The following TRIB3 variants were observed in gnomAD, a reference collection of about 807,000 sequenced individuals.
TRIB3 encodes tribbles pseudokinase 3.
A neutral mutation model predicts 16.6 loss-of-function variants in TRIB3; 20 were observed. That is an observed-to-expected ratio of 1.20 (90% CI 0.85 to 1.75). TRIB3 has a LOEUF of 1.75. Ranked by LOEUF, TRIB3 falls within the 40% of genes most tolerant of loss-of-function variation. TRIB3 has a pLI of 0.00. For synonymous variants in TRIB3, 208 were observed against 217.0 expected (o/e 0.96, Z 0.36); for missense variants, 484 against 488.9 (o/e 0.99, Z 0.10).
intron 2 of TRIB3, among the ~76,000 whole-genome samples, chr20:388,681 C>T (rs138057804): frequency 1.7e-3 from 265 of 152,192 alleles, no homozygotes; most frequent in African/African-American, 6.1e-3. Flanking sequence ...AAAAGGACTT[C>T]TCTGTGGCCA....
intron 1 of TRIB3, 117 bp downstream of exon 1, chr20:381,286 C>T (rs1015652650): frequency 1.3e-5 from 2 of 152,238 alleles, no homozygotes; most frequent in African/African-American, 4.8e-5. Flanking sequence ...GTGTTACACG[C>T]ACGCACGCCC....
At chr20:396,092 G>C in intron 3 of TRIB3, 106 bp from the exon 4 acceptor site, 1 of 1,494,204 alleles carries the variant, frequency 6.7e-7, no homozygotes, top group Non-Finnish European at 8.9e-7. Flanking sequence ...GTCTGTCAAA[G>C]GCCAGCAGGC....
At chr20:392,583 G>T (rs372167094) in intron 3 of TRIB3, among the ~76,000 whole-genome samples, 8 of 151,236 alleles carry the variant, frequency 5.3e-5, no homozygotes, top group Non-Finnish European at 8.8e-5. Context: ...TTGAGACAGA[G>T]TCTCACTCTG....
chr20:394,650 G>C (rs1243789647), intron 3 of TRIB3, among the ~76,000 whole-genome samples: 1 of 151,944 alleles, frequency 6.6e-6, no homozygotes, highest in African/African-American at 2.4e-5. Context: ...GCCAGGTGTG[G>C]TGATGCACAC....
chr20:384,256 C>T (rs914249768), intron 1 of TRIB3, among the ~76,000 whole-genome samples: 4 of 152,196 alleles, frequency 2.6e-5, no homozygotes, highest in African/African-American at 7.2e-5. Context: ...CAGTGGCTCC[C>T]CACTGCCTTT....
intron 3 of TRIB3, among the ~76,000 whole-genome samples, chr20:392,913 C>T (rs904304735): frequency 6.6e-6 from 1 of 152,108 alleles, no homozygotes; most frequent in Non-Finnish European, 1.5e-5. Flanking sequence ...CAGAGAGACT[C>T]GCCTCCTGTT....
At chr20:383,131 C>T (rs2014707902) in intron 1 of TRIB3, among the ~76,000 whole-genome samples, 1 of 152,194 alleles carries the variant, frequency 6.6e-6, no homozygotes, top group South Asian at 2.1e-4. Context: ...CTTCAGCCAC[C>T]ACACACACAG....
intron 3 of TRIB3, among the ~76,000 whole-genome samples, chr20:393,180 C>T (rs2015027608): frequency 6.6e-6 from 1 of 152,260 alleles, no homozygotes; most frequent in East Asian, 1.9e-4. Context: ...AACTAAGCCA[C>T]AGATTGATTC....
At chr20:394,032 C>CTT (rs745870371) in intron 3 of TRIB3, among the ~76,000 whole-genome samples, 103 of 123,632 alleles carry the variant, frequency 8.3e-4, no homozygotes, top group Middle Eastern at 4.3e-3. Flanking sequence ...TTCTTTCTTT[C>CTT]TTTTTTTTTT....
chr20:386,987 A>AGG (rs1162372244), intron 1 of TRIB3, among the ~76,000 whole-genome samples: 2 of 147,794 alleles, frequency 1.4e-5, no homozygotes, highest in East Asian at 2.1e-4. Flanking sequence ...TCCCAGCCTC[A>AGG]TGATTCGCCC....
intron 2 of TRIB3, 54 bp from the exon 3 acceptor site, chr20:391,233 C>T: frequency 1.3e-6 from 2 of 1,567,666 alleles, no homozygotes; most frequent in Non-Finnish European, 1.7e-6. Flanking sequence ...TTTGCAATGC[C>T]AGCCTCAGCT....
intron 3 of TRIB3, among the ~76,000 whole-genome samples, chr20:393,008 G>A (rs1427889549): frequency 6.6e-6 from 1 of 152,168 alleles, no homozygotes; most frequent in Non-Finnish European, 1.5e-5. Flanking sequence ...TGTGGAGAAA[G>A]GAGTGTGACC....
chr20:389,337 G>A (rs986935737), intron 2 of TRIB3, among the ~76,000 whole-genome samples: 5 of 152,124 alleles, frequency 3.3e-5, no homozygotes, highest in South Asian at 2.1e-4. Flanking sequence ...TAGGATAAGC[G>A]TTTCACACAA....
intron 2 of TRIB3, 107 bp from the exon 3 acceptor site, chr20:391,180 G>T (rs367979799): frequency 4.7e-6 from 6 of 1,263,502 alleles, no homozygotes; most frequent in South Asian, 2.7e-5. Context: ...CGCTTGGTGC[G>T]ATGCCTAGCA....
At chr20:395,285 C>T (rs945776742) in intron 3 of TRIB3, among the ~76,000 whole-genome samples, 1 of 151,922 alleles carries the variant, frequency 6.6e-6, no homozygotes, top group African/African-American at 2.4e-5. Context: ...CCTCAGCCTC[C>T]CAAGTAGCTG....
chr20:382,760 C>T (rs2014697468), intron 1 of TRIB3: 1 of 672,804 alleles, frequency 1.5e-6, no homozygotes, highest in Non-Finnish European at 2.6e-6. Flanking sequence ...GGGTACCCCC[C>T]AGCTAGAAAG....
At chr20:382,034 GGGGGC>G (rs1181502860) in intron 1 of TRIB3, among the ~76,000 whole-genome samples, 16 of 152,166 alleles carry the variant, frequency 1.1e-4, no homozygotes, top group Admixed American at 9.8e-4. Flanking sequence ...CCTGGCTGCG[GGGGGC>G]GGGGCGGGGT....
At chr20:393,229 A>C (rs1166656900) in intron 3 of TRIB3, among the ~76,000 whole-genome samples, 1 of 152,220 alleles carries the variant, frequency 6.6e-6, no homozygotes, top group Non-Finnish European at 1.5e-5. Context: ...CTTGCTGTGC[A>C]GGATCCAGTG....
chr20:387,395 A>G (rs897875776), intron 1 of TRIB3, among the ~76,000 whole-genome samples: 1 of 152,022 alleles, frequency 6.6e-6, no homozygotes, highest in Non-Finnish European at 1.5e-5. Context: ...TCAAACAAAT[A>G]CATACATATA....
Sources: gnomAD v4.1 joint callset for allele counts (sites outside exome capture counted in the v4.1 genomes callset) on GRCh38, gnomAD v4.1.1 for gene constraint, MANE v1.5 for transcripts, NCBI Gene and HGNC (gene_info 2026-07-23, HGNC 2026-07-21) for gene names.